BRSK1: variants seen among roughly 807,000 people sequenced by gnomAD.
BRSK1 encodes serine/threonine-protein kinase BRSK1.
In BRSK1, 17 loss-of-function variants were observed where a neutral mutation model predicts 86.2. That is an observed-to-expected ratio of 0.20 (90% confidence interval 0.14 to 0.30). The LOEUF (loss-of-function observed/expected upper bound fraction) is 0.30. Among genes scored for constraint, BRSK1 ranks in the 10% least tolerant of loss-of-function variants. The pLI, the probability that BRSK1 is intolerant of heterozygous loss-of-function variation, is 1.00. For missense variants in BRSK1, 719 were observed against 1,071.9 expected (o/e 0.67, Z 4.60); for synonymous variants, 464 against 440.1 (o/e 1.05, Z -0.68).
intron 3 of BRSK1, among the ~76,000 whole-genome samples, chr19:55,289,189 G>A (rs2088367740): frequency 6.6e-6 from 1 of 152,150 alleles, no homozygotes; most frequent in Non-Finnish European, 1.5e-5. Context: ...GCTGACATGG[G>A]AGGCTCTACT....
intron 4 of BRSK1, among the ~76,000 whole-genome samples, chr19:55,292,157 G>T (rs996765171): frequency 1.3e-5 from 2 of 152,148 alleles, no homozygotes; most frequent in Non-Finnish European, 2.9e-5. Flanking sequence ...TATTTAACAA[G>T]TTTGACCCAG....
In BRSK1 at chr19:55,287,627, C is replaced by A. The variant is rs1323670487; in HGVS notation, c.317+328C>A. Reference sequence around the variant, plus strand: ...TCGACCAGACCCAATCTGCTATGGGCAGATGCCTCCTGTTTGTAAGGCAAG... The same window carrying A: ...TCGACCAGACCCAATCTGCTATGGGAAGATGCCTCCTGTTTGTAAGGCAAG... On this transcript the variant is annotated intron_variant, in intron 3 of 18. Coordinates refer to ENST00000309383, the MANE Select transcript of BRSK1 (RefSeq NM_032430.2). The surrounding 1 kb of genome is among the most constrained non-coding windows in gnomAD (Gnocchi z 5.3). 6.6e-6 allele frequency among the ~76,000 whole-genome samples: 1 copy of A among 152,258 alleles called. No individual in the cohort carries two copies.
chr19:55,290,893 G>A (rs567940720), intron 4 of BRSK1, among the ~76,000 whole-genome samples: 13 of 151,588 alleles, frequency 8.6e-5, no homozygotes, highest in South Asian at 6.3e-4. Flanking sequence ...CGTCCGCCTC[G>A]GCCTCCCAAA....
intron 7 of BRSK1, among the ~76,000 whole-genome samples, chr19:55,295,862 A>G (rs1355213453): frequency 1.3e-5 from 2 of 152,132 alleles, no homozygotes; most frequent in Non-Finnish European, 2.9e-5. Flanking sequence ...CCAGCTACTC[A>G]GGAGGCTGAG....
At chr19:55,285,886 T>C (rs2088302669) in intron 1 of BRSK1, among the ~76,000 whole-genome samples, 1 of 151,186 alleles carries the variant, frequency 6.6e-6, no homozygotes, top group African/African-American at 2.4e-5. Flanking sequence ...GTGGTAAGAG[T>C]GTGAAGGTGT....
At chr19:55,307,138 C>T (rs1176784897) in intron 17 of BRSK1, among the ~76,000 whole-genome samples, 1 of 152,226 alleles carries the variant, frequency 6.6e-6, no homozygotes, top group African/African-American at 2.4e-5. Context: ...CTCTTTGTCA[C>T]CAATATTAAT....
At position 55,294,312 on chromosome 19, in the gene BRSK1, C is replaced by T. The variant is rs751241925; in HGVS notation, c.610-17C>T. ...GCAGTGAGGAGCGATGAAGTCACAACTGGCCTTCCCTTCCAGGGGGAAAAA... is the reference window on the plus strand; with the variant it reads ...GCAGTGAGGAGCGATGAAGTCACAATTGGCCTTCCCTTCCAGGGGGAAAAA... On this transcript the variant is annotated splice_polypyrimidine_tract_variant and intron_variant, in intron 6 of 18. Coordinates refer to ENST00000309383, the MANE Select transcript of BRSK1 (RefSeq NM_032430.2). This position sits in a 1 kb window ranked among gnomAD's most constrained non-coding sequence, Gnocchi z 4.9. 1 of 1,614,162 alleles carries T rather than the reference C, an allele frequency of 6.2e-7. No individual in the cohort carries two copies. Among genetic ancestry groups the T allele is most frequent in the Non-Finnish European group, 8.5e-7 (1 of 1,180,026 alleles).
In BRSK1 at chr19:55,303,058, T is replaced by C; in HGVS notation, c.1028+191T>C. ...ACGCTGAGAAAGTATTAATAGATGCTGCGACATAGTACTTACATATACATA... is the reference window on the plus strand; with the variant it reads ...ACGCTGAGAAAGTATTAATAGATGCCGCGACATAGTACTTACATATACATA... On this transcript the variant is annotated intron_variant, in intron 10 of 18. Transcript: ENST00000309383. The surrounding 1 kb of genome is among the most constrained non-coding windows in gnomAD (Gnocchi z 5.1). 1.5e-6 allele frequency: 1 copy of C among 688,118 alleles called. No individual in the cohort carries two copies. The allele number at this position is 688,118 out of a possible 1,614,324, so 42.6% of individuals were successfully genotyped here. A position where few individuals can be genotyped will look rare whatever the true frequency, so the allele number is the denominator to read the frequency against.
rs1227497565 is a variant in BRSK1, at chr19:55,310,707, T to A, written c.2180-1204T>A. On this transcript the variant is annotated intron_variant, in intron 18 of 18. Coordinates refer to ENST00000309383, the MANE Select transcript of BRSK1 (RefSeq NM_032430.2). This position sits in a 1 kb window ranked among gnomAD's most constrained non-coding sequence, Gnocchi z 5.0. ...CCCCCCACGACAGCTGGGTCCCAAATGGCAGTCGTGCTGAGGTGCAGAAAC... is the reference window on the plus strand; with the variant it reads ...CCCCCCACGACAGCTGGGTCCCAAAAGGCAGTCGTGCTGAGGTGCAGAAAC... Among the ~76,000 whole-genome samples, 3 of 152,134 alleles carry A rather than the reference T, an allele frequency of 2.0e-5. No individual in the cohort carries two copies.
chr19:55,306,197 G>A lies in BRSK1; in HGVS notation c.1891-55G>A. The A allele has an allele frequency of 6.3e-7, 1 of 1,583,688 alleles. No homozygotes were observed. Among genetic ancestry groups the A allele is most frequent in the Non-Finnish European group, 8.6e-7 (1 of 1,157,784 alleles). On this transcript the variant is annotated intron_variant, in intron 16 of 18. Transcript: ENST00000309383. This position sits in a 1 kb window ranked among gnomAD's most constrained non-coding sequence, Gnocchi z 4.7. ...AGTTCCTTGGCCAGAGCTGGTCGTGGGGCTGGGTATCCATTTCCTGGGCTC... is the reference window on the plus strand; with the variant it reads ...AGTTCCTTGGCCAGAGCTGGTCGTGAGGCTGGGTATCCATTTCCTGGGCTC...
intron 17 of BRSK1, among the ~76,000 whole-genome samples, chr19:55,308,336 T>A (rs2122998263): frequency 6.6e-6 from 1 of 152,248 alleles, no homozygotes; most frequent in Middle Eastern, 3.4e-3. Flanking sequence ...CAACTTATTT[T>A]TCTTACATTT....
chr19:55,302,959 T>A lies in BRSK1; in HGVS notation c.1028+92T>A. 1 of 1,485,228 alleles carries A rather than the reference T, an allele frequency of 6.7e-7. No homozygotes were observed. The highest frequency in any genetic ancestry group is 9.0e-7 in the Non-Finnish European group (1 of 1,105,566). The allele number at this position is 1,485,228 out of a possible 1,614,324, so 92.0% of individuals were successfully genotyped here. On this transcript the variant is annotated intron_variant, in intron 10 of 18. Coordinates refer to ENST00000309383, the MANE Select transcript of BRSK1 (RefSeq NM_032430.2). The surrounding 1 kb of genome is among the most constrained non-coding windows in gnomAD (Gnocchi z 6.3). ...ATGCAGAGTGCTGGGCGAGGAACCC[T>A]GGCCTCTCATGGGGCATGGTTTGAA... is the stretch of plus-strand genomic sequence containing the variant.
At position 55,303,841 on chromosome 19, in the gene BRSK1, C is replaced by A; in HGVS notation, c.1286+15C>A. ...CACAGCCAGAGGTGGGAGCCCCTGT[C>A]CCTCCAGGAGGATCCACAATCCCTG... On this transcript the variant is annotated intron_variant, in intron 12 of 18. Coordinates refer to ENST00000309383, the MANE Select transcript of BRSK1 (RefSeq NM_032430.2). This position sits in a 1 kb window ranked among gnomAD's most constrained non-coding sequence, Gnocchi z 5.1. 1.3e-6 allele frequency: 2 copies of A among 1,557,076 alleles called. No homozygotes were observed. The highest frequency in any genetic ancestry group is 1.7e-6 in the Non-Finnish European group (2 of 1,151,832).
chr19:55,311,555 G>A (rs1179649441), intron 18 of BRSK1, among the ~76,000 whole-genome samples: 1 of 152,156 alleles, frequency 6.6e-6, no homozygotes, highest in Non-Finnish European at 1.5e-5. Flanking sequence ...TGCTGTGAAC[G>A]TTGAGCACCG....
At chr19:55,301,360 C>A in intron 7 of BRSK1, 152 bp from the exon 8 acceptor site, 1 of 884,118 alleles carries the variant, frequency 1.1e-6, no homozygotes, top group Non-Finnish European at 1.7e-6. Context: ...TGCTGTGCCA[C>A]GGACGAGCTA....
intron 4 of BRSK1, 45 bp downstream of exon 4, chr19:55,289,665 G>A (rs2088374992): frequency 1.2e-6 from 2 of 1,603,086 alleles, no homozygotes; most frequent in African/African-American, 1.3e-5. Context: ...GGGCTGCCCA[G>A]CAGACAGGCC....
rs1389122776 is a variant in BRSK1 at position 55,302,442 on chromosome 19, G to A, written c.858-255G>A. ...CCTGGATCCGAGGGAGGAGGGGCTG[G>A]GGGCCTGGACTTCTGGGTCTGAAGA... is the stretch of plus-strand genomic sequence containing the variant. On this transcript the variant is annotated intron_variant, in intron 9 of 18. Transcript: ENST00000309383. The surrounding 1 kb of genome is among the most constrained non-coding windows in gnomAD (Gnocchi z 6.3). The A allele has an allele frequency of 4.9e-6, 3 of 616,946 alleles. No homozygotes were observed. Among genetic ancestry groups the A allele is most frequent in the Non-Finnish European group, 8.5e-6 (3 of 353,536 alleles). The allele number at this position is 616,946 out of a possible 1,614,324, so 38.2% of individuals were successfully genotyped here.
Position 55,294,140 on chromosome 19 carries a change from G to C in BRSK1, c.575+7G>C. The C allele has an allele frequency of 1.2e-6, 2 of 1,612,252 alleles. No individual in the cohort carries two copies. The highest frequency in any genetic ancestry group is 1.7e-6 in the Non-Finnish European group (2 of 1,178,688). ...TCCTGGAGACCAGCTGCGGGTGAGT[G>C]GGGACTGGGCTCCCGAGACCCTGGG... On this transcript the variant is annotated splice_region_variant and intron_variant, in intron 5 of 18. Transcript: ENST00000309383. This position sits in a 1 kb window ranked among gnomAD's most constrained non-coding sequence, Gnocchi z 4.9.
At position 55,304,631 on chromosome 19, in the gene BRSK1, G is replaced by T. The variant is rs1215612602; in HGVS notation, c.1428G>T (p.Gln476His). ...GGGGCTCCCCGACTTCCAAAACGCA[G>T]ACGCTGCCTTCTCGGGGCCCCAGGG... ...RGGGSPTSKT[Q>H]TLPSRGPRGG... Residue 476 changes from glutamine to histidine, a missense_variant, in exon 14 of 19, where the codon CAG becomes CAT. Physicochemically the swap from Gln to His is conservative, Grantham distance 24 (BLOSUM62 0). Around this residue, in one of 6 missense-constraint regions of BRSK1, gnomAD observed 143 missense variants for 120.1 expected, o/e 1.19. Transcript: ENST00000309383. The surrounding 1 kb of genome is among the most constrained non-coding windows in gnomAD (Gnocchi z 5.2). 4 of 1,541,990 alleles carry T rather than the reference G, an allele frequency of 2.6e-6. No homozygotes were observed. Among genetic ancestry groups the T allele is most frequent in the Non-Finnish European group, 3.5e-6 (4 of 1,147,090 alleles).
Sources: allele counts gnomAD v4.1 joint callset (sites outside exome capture counted in the v4.1 genomes callset), GRCh38; gene constraint gnomAD v4.1.1; regional missense constraint gnomAD v4.1.1; non-coding constraint Gnocchi (gnomAD v3.1); transcripts MANE v1.5; gene names NCBI Gene and HGNC (gene_info 2026-07-23, HGNC 2026-07-21).